GALNTL6: variants seen among roughly 807,000 people sequenced by gnomAD.
GALNTL6 encodes polypeptide N-acetylgalactosaminyltransferase-like 6.
A neutral mutation model predicts 73.7 loss-of-function variants in GALNTL6; 46 were observed. The observed-to-expected ratio is 0.62, with a 90% confidence interval of 0.49 to 0.80. The LOEUF is 0.80. Ranked by LOEUF, GALNTL6 falls within the 30% of genes least tolerant of loss-of-function variation. The pLI, the probability that GALNTL6 is intolerant of heterozygous loss-of-function variation, is 0.00. For missense variants in GALNTL6, 604 were observed against 755.0 expected (o/e 0.80, Z 2.34); for synonymous variants, 259 against 263.7 (o/e 0.98, Z 0.17).
At chr4:171,814,359 A>G (rs527802985) in intron 1 of GALNTL6, 53 bp from the exon 2 acceptor site, 2 of 593,304 alleles carry the variant, frequency 3.4e-6, no homozygotes, top group East Asian at 2.8e-5. Flanking sequence ...CCAATAGATA[A>G]TGCCTTCGTC....
chr4:172,716,348 G>A (rs1416430070), intron 5 of GALNTL6, among the ~76,000 whole-genome samples: 1 of 152,144 alleles, frequency 6.6e-6, no homozygotes, highest in Non-Finnish European at 1.5e-5. Flanking sequence ...TCCATGTTAT[G>A]ATGAGCTTAC....
At chr4:171,829,444 A>G (rs1165072897) in intron 2 of GALNTL6, among the ~76,000 whole-genome samples, 3 of 152,070 alleles carry the variant, frequency 2.0e-5, no homozygotes, top group Non-Finnish European at 4.4e-5. Context: ...GCTTACCCCG[A>G]GTCTTCTTGA....
At chr4:172,861,000 A>G (rs965895736) in intron 7 of GALNTL6, among the ~76,000 whole-genome samples, 2 of 152,194 alleles carry the variant, frequency 1.3e-5, no homozygotes, top group African/African-American at 4.8e-5. Flanking sequence ...CATCAGCAAT[A>G]TTGATAAGCT....
chr4:172,949,406 T>G (rs2126337042), intron 9 of GALNTL6, among the ~76,000 whole-genome samples: 1 of 152,352 alleles, frequency 6.6e-6, no homozygotes, highest in African/African-American at 2.4e-5. Flanking sequence ...TTTCTCATTA[T>G]TACTAGGTCA....
chr4:172,230,395 G>A (rs1737016713), intron 3 of GALNTL6, among the ~76,000 whole-genome samples: 1 of 151,990 alleles, frequency 6.6e-6, no homozygotes, highest in Admixed American at 6.6e-5. Context: ...AGACCATCCT[G>A]GCTAACGCGT....
At chr4:172,078,657 A>G (rs909224917) in intron 2 of GALNTL6, among the ~76,000 whole-genome samples, 2 of 152,190 alleles carry the variant, frequency 1.3e-5, no homozygotes, top group African/African-American at 4.8e-5. Flanking sequence ...GAAAAGCCTG[A>G]TATGTAGAAC....
chr4:172,722,226 T>C (rs1056257994), intron 5 of GALNTL6, among the ~76,000 whole-genome samples: 8 of 152,174 alleles, frequency 5.3e-5, no homozygotes, highest in Non-Finnish European at 8.8e-5. Flanking sequence ...CACAATACTC[T>C]AGCCCAGGTT....
intron 5 of GALNTL6, among the ~76,000 whole-genome samples, chr4:172,576,963 C>T (rs1001475272): frequency 6.6e-6 from 1 of 152,096 alleles, no homozygotes; most frequent in Non-Finnish European, 1.5e-5. Flanking sequence ...TTGAGCAACC[C>T]AGGGAATATT....
intron 2 of GALNTL6, among the ~76,000 whole-genome samples, chr4:172,059,800 G>C (rs930544070): frequency 2.6e-5 from 4 of 152,186 alleles, no homozygotes; most frequent in Non-Finnish European, 4.4e-5. Context: ...AGTGGTAGAA[G>C]TGAATAAAAA....
At chr4:172,399,032 A>C (rs969583923) in intron 5 of GALNTL6, among the ~76,000 whole-genome samples, 1 of 152,136 alleles carries the variant, frequency 6.6e-6, no homozygotes, top group African/African-American at 2.4e-5. Context: ...TTTAAACATT[A>C]ATATAAATAT....
rs137943981 is a variant in GALNTL6, at chr4:171,941,187, C to G, written c.138+126469C>G. ...ATGGATGGTTAAGCAGAGATGGAACCTGTAGCAAGCTCTCTGTATTGTGAG... is the reference window on the plus strand; with the variant it reads ...ATGGATGGTTAAGCAGAGATGGAACGTGTAGCAAGCTCTCTGTATTGTGAG... On this transcript the variant is annotated intron_variant, in intron 2 of 12. Coordinates refer to ENST00000506823, the MANE Select transcript of GALNTL6 (RefSeq NM_001034845.3). Among the ~76,000 whole-genome samples, 271 of 152,232 alleles carry G rather than the reference C, an allele frequency of 1.8e-3. 2 individuals carry two copies. Among genetic ancestry groups the G allele is most frequent in the Admixed American group, 0.012 (178 of 15,290 alleles).
At chr4:171,867,833 C>T (rs1253679724) in intron 2 of GALNTL6, among the ~76,000 whole-genome samples, 1 of 152,202 alleles carries the variant, frequency 6.6e-6, no homozygotes, top group African/African-American at 2.4e-5. Context: ...CAGCTCACTA[C>T]TATGCTCATT....
chr4:172,949,051 A>ATTGT (rs1749312236), intron 9 of GALNTL6, among the ~76,000 whole-genome samples: 1 of 152,220 alleles, frequency 6.6e-6, no homozygotes, highest in African/African-American at 2.4e-5. Flanking sequence ...TATTTCAAAA[A>ATTGT]TCCAAAGCAA....
intron 5 of GALNTL6, among the ~76,000 whole-genome samples, chr4:172,477,900 A>G (rs1461539247): frequency 1.3e-5 from 2 of 152,184 alleles, no homozygotes; most frequent in East Asian, 3.9e-4. Context: ...AAAAACAGGA[A>G]GAAATGCATG....
intron 10 of GALNTL6, among the ~76,000 whole-genome samples, chr4:172,971,119 T>C (rs1750561184): frequency 6.6e-6 from 1 of 152,140 alleles, no homozygotes; most frequent in Non-Finnish European, 1.5e-5. Context: ...AAGCTTCTAA[T>C]AAAAGAATGA....
At chr4:171,879,219 T>C (rs1736368136) in intron 2 of GALNTL6, among the ~76,000 whole-genome samples, 1 of 152,174 alleles carries the variant, frequency 6.6e-6, no homozygotes, top group African/African-American at 2.4e-5. Flanking sequence ...CTAATTTTTG[T>C]CCTTAAAAAT....
chr4:172,689,209 T>C (rs1164171530), intron 5 of GALNTL6, among the ~76,000 whole-genome samples: 2 of 152,206 alleles, frequency 1.3e-5, no homozygotes, highest in East Asian at 3.9e-4. Flanking sequence ...GTTTGGACTA[T>C]TTATGTTCAT....
At chr4:171,965,946 C>T (rs1739371376) in intron 2 of GALNTL6, among the ~76,000 whole-genome samples, 1 of 152,024 alleles carries the variant, frequency 6.6e-6, no homozygotes, top group Non-Finnish European at 1.5e-5. Flanking sequence ...TTTATTTTTT[C>T]TTATTGGTCA....
chr4:172,687,855 A>C (rs1733027037), intron 5 of GALNTL6, among the ~76,000 whole-genome samples: 1 of 152,136 alleles, frequency 6.6e-6, no homozygotes, highest in African/African-American at 2.4e-5. Context: ...ATAAATATTC[A>C]GTTGCTGGCT....
Sources: allele counts gnomAD v4.1 joint callset (sites outside exome capture counted in the v4.1 genomes callset), GRCh38; gene constraint gnomAD v4.1.1; transcripts MANE v1.5; gene names NCBI Gene and HGNC (gene_info 2026-07-23, HGNC 2026-07-21).